Variants in DHRS9 observed in about 807,000 individuals in gnomAD.
DHRS9 encodes dehydrogenase/reductase SDR family member 9.
Under a neutral mutation model 26.6 loss-of-function variants are expected in DHRS9, and 18 were observed. That is an observed-to-expected ratio of 0.68 (90% CI 0.47 to 1.00). The LOEUF (loss-of-function observed/expected upper bound fraction) is 1.00, where lower values mean the gene tolerates loss of function less well. Ranked by LOEUF, DHRS9 falls within the 50% of genes least tolerant of loss-of-function variation. DHRS9 has a pLI of 0.00. For synonymous variants in DHRS9, 134 were observed against 141.1 expected, an observed-to-expected ratio of 0.95 and a Z score of 0.36; for missense variants, 425 against 378.7, an observed-to-expected ratio of 1.12 and a Z score of -1.01.
chr2:169,082,473 G>T (rs2105291841), intron 2 of DHRS9, among the ~76,000 whole-genome samples: 1 of 152,270 alleles, frequency 6.6e-6, no homozygotes, highest in African/African-American at 2.4e-5. Flanking sequence ...TTTGAATGAA[G>T]TGTGAAACAT....
intron 1 of DHRS9, chr2:169,070,144 T>C (rs1481298441): frequency 1.0e-6 from 1 of 985,310 alleles, no homozygotes; most frequent in African/African-American, 1.7e-5. Flanking sequence ...GATCTGTTTG[T>C]CTGTCCGCTT....
intron 1 of DHRS9, among the ~76,000 whole-genome samples, chr2:169,079,533 A>T (rs1290936995): frequency 6.6e-6 from 1 of 152,068 alleles, no homozygotes; most frequent in Non-Finnish European, 1.5e-5. Flanking sequence ...AAGGATTCGA[A>T]GGAAAAATTA....
rs147776227 is a variant in DHRS9 at position 169,070,195 on chromosome 2, C to T, written c.-60+478C>T. On this transcript the variant is annotated intron_variant, in intron 1 of 4. Transcript: ENST00000674881. ...ATGTAAGTTTACATGAATACACACA[C>T]ATATTCACTAAACTGAGGGGAAAAA... The T allele has an allele frequency of 2.0e-5, 20 of 985,390 alleles. No homozygotes were observed. In the East Asian group the frequency reaches 2.0e-3, roughly 101 times the overall value. 61.0% of individuals were successfully genotyped at this position (985,390 alleles called of 1,614,324 possible).
chr2:169,073,908 T>C (rs965969021), intron 1 of DHRS9, among the ~76,000 whole-genome samples: 2 of 152,166 alleles, frequency 1.3e-5, no homozygotes, highest in Non-Finnish European at 2.9e-5. Flanking sequence ...AACTGGGGGA[T>C]ATTTTGTCCT....
At position 169,089,981 on chromosome 2, in the gene DHRS9, G is replaced by A. The variant is rs149602799; in HGVS notation, c.573-1809G>A. On this transcript the variant is annotated intron_variant, in intron 3 of 4. Coordinates refer to ENST00000674881, the MANE Select transcript of DHRS9 (RefSeq NM_001376924.1). ...CCAGCAGTATCATAATAAAATTGTA[G>A]TATATGTAATTAGAGATTTACTCAC... is the stretch of plus-strand genomic sequence containing the variant. Among the ~76,000 whole-genome samples, 4 of 152,214 alleles carry A rather than the reference G, an allele frequency of 2.6e-5. No homozygotes were observed. In the East Asian group the frequency reaches 5.8e-4, roughly 22 times the overall value.
chr2:169,084,839 A>T (rs1684302134), intron 3 of DHRS9, among the ~76,000 whole-genome samples: 1 of 152,008 alleles, frequency 6.6e-6, no homozygotes, highest in Non-Finnish European at 1.5e-5. Flanking sequence ...AAATTGATGT[A>T]ATCCCATTTG....
intron 1 of DHRS9, among the ~76,000 whole-genome samples, chr2:169,078,815 CT>C (rs200691133): frequency 0.054 from 5,817 of 108,216 alleles, 40 homozygotes; most frequent in African/African-American, 0.07. Context: ...TATCAACTGA[CT>C]TTTTTTTTTT....
At chr2:169,071,876 A>AT (rs534684739) in intron 1 of DHRS9, among the ~76,000 whole-genome samples, 612 of 151,638 alleles carry the variant, frequency 4.0e-3, no homozygotes, top group Non-Finnish European at 6.2e-3. Context: ...CCATTAAAAA[A>AT]TTTTTTTTTC....
intron 1 of DHRS9, among the ~76,000 whole-genome samples, chr2:169,079,920 GGAGAGAGAGAGAGAGA>G (rs1200500362): frequency 9.7e-4 from 10 of 10,304 alleles, no homozygotes; most frequent in Admixed American, 1.2e-3. Flanking sequence ...GGAGGGAGGG[GGAGAGAGAGAGAGAGA>G]GAGAGAGAGA....
chr2:169,074,382 G>T (rs1334627000), intron 1 of DHRS9: 3 of 985,376 alleles, frequency 3.0e-6, no homozygotes, highest in East Asian at 2.3e-4. Flanking sequence ...ACTGCCTCGA[G>T]CCAAGAGATT....
At chr2:169,085,170 C>A (rs1005031593) in intron 3 of DHRS9, among the ~76,000 whole-genome samples, 5 of 152,112 alleles carry the variant, frequency 3.3e-5, no homozygotes, top group Non-Finnish European at 5.9e-5. Context: ...TTTCTGGGTT[C>A]TCTGTCCTGT....
At position 169,095,741 on chromosome 2, in the gene DHRS9, G is replaced by C. The variant is rs767465826; in HGVS notation, c.934G>C (p.Glu312Gln). 6.2e-7 allele frequency: 1 copy of C among 1,613,752 alleles called. No individual in the cohort carries two copies. Among genetic ancestry groups the C allele is most frequent in the South Asian group, 1.1e-5 (1 of 91,074 alleles). Reference protein sequence around the residue: ...QDFLLLKQKAELANPKAV With the variant: ...QDFLLLKQKAQLANPKAV ...CTTTTTATTGTTGAAACAGAAAGCA[G>C]AGCTGGCTAATCCCAAGGCAGTGTG... Residue 312 changes from glutamate to glutamine, a missense_variant, in exon 5 of 5, where the codon GAG becomes CAG. Physicochemically the swap from Glu to Gln is conservative, Grantham distance 29 (BLOSUM62 2). Coordinates refer to ENST00000674881, the MANE Select transcript of DHRS9 (RefSeq NM_001376924.1).
In DHRS9 at chr2:169,088,648, A is replaced by G. The variant is rs76015905; in HGVS notation, c.573-3142A>G. 3.7e-3 allele frequency among the ~76,000 whole-genome samples: 571 copies of G among 152,326 alleles called. 2 individuals are homozygous for G. The highest frequency in any genetic ancestry group is 0.013 in the African/African-American group (541 of 41,574). ...TATAGATGATGCCACTAAAACTAAAAGAGTTTAATTAATTTGCGCAAGGTC... is the reference window on the plus strand; with the variant it reads ...TATAGATGATGCCACTAAAACTAAAGGAGTTTAATTAATTTGCGCAAGGTC... On this transcript the variant is annotated intron_variant, in intron 3 of 4. Coordinates refer to ENST00000674881, the MANE Select transcript of DHRS9 (RefSeq NM_001376924.1).
At chr2:169,076,511 T>C (rs1019044038) in intron 1 of DHRS9, among the ~76,000 whole-genome samples, 4 of 152,220 alleles carry the variant, frequency 2.6e-5, no homozygotes, top group African/African-American at 9.6e-5. Context: ...ATCTAGAAAG[T>C]TACCTATCCA....
chr2:169,087,832 C>T (rs1022574161), intron 3 of DHRS9, among the ~76,000 whole-genome samples: 2 of 152,146 alleles, frequency 1.3e-5, no homozygotes, highest in Non-Finnish European at 2.9e-5. Flanking sequence ...ACCTGGTGCC[C>T]TATCCTACTG....
chr2:169,070,125 T>G, intron 1 of DHRS9: 3 of 985,484 alleles, frequency 3.0e-6, no homozygotes, highest in Non-Finnish European at 3.6e-6. Context: ...CTCTGTCAAC[T>G]GCAGGTCTGA....
intron 4 of DHRS9, among the ~76,000 whole-genome samples, chr2:169,093,937 A>G (rs1355269629): frequency 2.6e-5 from 4 of 152,234 alleles, no homozygotes; most frequent in Non-Finnish European, 5.9e-5. Context: ...TTGAGAAGAC[A>G]CAGCTCAGGT....
At chr2:169,067,391 C>T (rs1683675410), upstream of DHRS9, 42 of 1,391,708 alleles carry the variant, frequency 3.0e-5, no homozygotes, top group Non-Finnish European at 4.0e-5. Flanking sequence ...TCTGAGTTTC[C>T]TCCTTATGTT....
chr2:169,067,897 G>A (rs1047335148), upstream of DHRS9, among the ~76,000 whole-genome samples: 1 of 152,180 alleles, frequency 6.6e-6, no homozygotes, highest in African/African-American at 2.4e-5. Context: ...CATGAGTTGG[G>A]CCCACAGGAA....
Sources: allele counts gnomAD v4.1 joint callset (sites outside exome capture counted in the v4.1 genomes callset), GRCh38; gene constraint gnomAD v4.1.1; transcripts MANE v1.5; gene names NCBI Gene and HGNC (gene_info 2026-07-23, HGNC 2026-07-21).